The following TYW1B variants were observed in gnomAD, a reference collection of about 807,000 sequenced individuals.
TYW1B encodes the protein S-adenosyl-L-methionine-dependent tRNA 4-demethylwyosine synthase TYW1B.
In TYW1B, 73 loss-of-function variants were observed where a neutral mutation model predicts 86.9. The ratio of observed to expected loss-of-function variants is 0.84; its 90% CI spans 0.70 to 1.02. The LOEUF (loss-of-function observed/expected upper bound fraction) is 1.02. Among genes scored for constraint, TYW1B ranks in the 50% least tolerant of loss-of-function variants. The probability of loss-of-function intolerance (pLI) is 0.00; values close to 1 mark genes in which losing one functional copy is unlikely to be tolerated. For missense variants in TYW1B, 637 were observed against 827.4 expected (o/e 0.77, Z 2.82); for synonymous variants, 248 against 292.8 (o/e 0.85, Z 1.56).
chr7:72,657,544 A>G (rs1197525049), intron 11 of TYW1B, among the ~76,000 whole-genome samples: 6 of 152,192 alleles, frequency 3.9e-5, no homozygotes, highest in African/African-American at 1.4e-4. Flanking sequence ...TCTCTAAGGC[A>G]CACTATAGTC....
chr7:72,706,467 C>T (rs1554453676), intron 10 of TYW1B, among the ~76,000 whole-genome samples: 1 of 150,868 alleles, frequency 6.6e-6, no homozygotes, highest in African/African-American at 2.4e-5. Flanking sequence ...ATATTCTCTC[C>T]TCTCTCAAAA....
chr7:72,607,125 T>C (rs782410363), intron 13 of TYW1B, among the ~76,000 whole-genome samples: 12 of 151,586 alleles, frequency 7.9e-5, no homozygotes, highest in Admixed American at 1.3e-4. Flanking sequence ...GTTGGCTGGG[T>C]GTGGTGGCTC....
At chr7:72,731,686 G>A (rs1176796680) in intron 8 of TYW1B, among the ~76,000 whole-genome samples, 29 of 152,172 alleles carry the variant, frequency 1.9e-4, no homozygotes, top group Non-Finnish European at 8.8e-5. Context: ...GCTCACACCT[G>A]TAATCCCAGC....
At chr7:72,737,827 T>C (rs1554461243) in intron 8 of TYW1B, among the ~76,000 whole-genome samples, 1 of 147,374 alleles carries the variant, frequency 6.8e-6, no homozygotes, top group Non-Finnish European at 1.5e-5. Context: ...CAGGTTGGAG[T>C]GCAGTGGCGT....
At chr7:72,763,428 G>A (rs140038142) in intron 7 of TYW1B, among the ~76,000 whole-genome samples, 5,387 of 151,372 alleles carry the variant, frequency 0.036, 165 homozygotes, top group Non-Finnish European at 0.048. Flanking sequence ...GATTACAGGC[G>A]CCCACCACCA....
chr7:72,765,034 G>T (rs543161480), intron 7 of TYW1B, among the ~76,000 whole-genome samples: 2 of 152,164 alleles, frequency 1.3e-5, no homozygotes, highest in African/African-American at 4.8e-5. Context: ...CTCTCAAGTA[G>T]GATACAATTG....
chr7:72,764,089 A>G (rs1787731740), intron 7 of TYW1B, among the ~76,000 whole-genome samples: 2 of 77,964 alleles, frequency 2.6e-5, no homozygotes, highest in South Asian at 7.7e-4. Context: ...TGATGGCCCT[A>G]TGATCCTGGT....
intron 6 of TYW1B, among the ~76,000 whole-genome samples, chr7:72,791,717 C>G (rs1788223053): frequency 6.6e-6 from 1 of 152,142 alleles, no homozygotes; most frequent in South Asian, 2.1e-4. Flanking sequence ...GTGGAGGTTG[C>G]AGTGAGCGAG....
Position 72,828,173 on chromosome 7 carries a change from G to A in TYW1B, c.-98C>T. On this transcript the variant is annotated 5_prime_UTR_variant, in exon 1 of 14. Transcript: ENST00000620995. ...CGCACCGAGCTACCTCGCGGCGTTA[G>A]CGCCGTACCGAGTGGCTGCAGAACT... 1.3e-6 allele frequency: 2 copies of A among 1,581,768 alleles called. No homozygotes were observed. The highest frequency in any genetic ancestry group is 1.7e-6 in the Non-Finnish European group (2 of 1,163,142).
At chr7:72,624,843 A>G (rs1812304073) in intron 12 of TYW1B, among the ~76,000 whole-genome samples, 1 of 152,168 alleles carries the variant, frequency 6.6e-6, no homozygotes, top group African/African-American at 2.4e-5. Flanking sequence ...GGATCACCTG[A>G]GCTCAGGAGT....
intron 11 of TYW1B, among the ~76,000 whole-genome samples, chr7:72,662,426 TATAGATAGATAGATAGATAGATAG>T: frequency 8.4e-6 from 1 of 118,740 alleles, no homozygotes; most frequent in Non-Finnish European, 1.9e-5. Context: ...AATATATATA[TATAGATAGATAGATAGATAGATAG>T]ATAGATAGAT....
chr7:72,673,059 C>G (rs1429020612), intron 11 of TYW1B, among the ~76,000 whole-genome samples: 4 of 152,118 alleles, frequency 2.6e-5, no homozygotes, highest in Non-Finnish European at 4.4e-5. Flanking sequence ...GTCCCAGTTA[C>G]TTGGAGGCTG....
intron 12 of TYW1B, among the ~76,000 whole-genome samples, chr7:72,618,634 T>A (rs147506362): frequency 5.3e-5 from 8 of 152,262 alleles, no homozygotes; most frequent in Non-Finnish European, 8.8e-5. Flanking sequence ...AGACAGCTGT[T>A]CAAAAAGATG....
intron 9 of TYW1B, among the ~76,000 whole-genome samples, chr7:72,727,837 G>GAA (rs1787030343): frequency 7.4e-6 from 1 of 134,868 alleles, no homozygotes; most frequent in African/African-American, 2.7e-5. Context: ...AAAAAAAGAA[G>GAA]AAAGACAAAA....
chr7:72,808,423 C>T (rs1476856077), intron 4 of TYW1B, among the ~76,000 whole-genome samples: 4 of 151,914 alleles, frequency 2.6e-5, no homozygotes, highest in Non-Finnish European at 4.4e-5. Flanking sequence ...CTAGGCAACA[C>T]GGTGAGACCC....
At chr7:72,665,599 C>T (rs1233645177) in intron 11 of TYW1B, among the ~76,000 whole-genome samples, 1 of 152,160 alleles carries the variant, frequency 6.6e-6, no homozygotes, top group Non-Finnish European at 1.5e-5. Flanking sequence ...TTTGAATTCC[C>T]TTTCACTTAA....
chr7:72,790,332 G>A (rs1271943276), intron 6 of TYW1B, among the ~76,000 whole-genome samples: 1 of 152,110 alleles, frequency 6.6e-6, no homozygotes, highest in South Asian at 2.1e-4. Flanking sequence ...GACCCATAGG[G>A]CAATGTGGTA....
chr7:72,704,715 T>C (rs1298379930), intron 10 of TYW1B, among the ~76,000 whole-genome samples: 4 of 152,092 alleles, frequency 2.6e-5, no homozygotes, highest in African/African-American at 9.7e-5. Context: ...TCTCACATAC[T>C]CGCAATGCCA....
At chr7:72,825,051 G>C (rs564448976) in intron 2 of TYW1B, among the ~76,000 whole-genome samples, 8 of 145,944 alleles carry the variant, frequency 5.5e-5, no homozygotes, top group Non-Finnish European at 1.0e-4. Flanking sequence ...TGCAGTGAGT[G>C]AAGATGGCAC....
Sources: gnomAD v4.1 joint callset for allele counts (sites outside exome capture counted in the v4.1 genomes callset) on GRCh38, gnomAD v4.1.1 for gene constraint, MANE v1.5 for transcripts, NCBI Gene and HGNC (gene_info 2026-07-23, HGNC 2026-07-21) for gene names.